The following ROBO1 variants were observed in gnomAD, a reference collection of about 807,000 sequenced individuals.
ROBO1 encodes roundabout homolog 1.
In ROBO1, 149 loss-of-function variants were observed where a neutral mutation model predicts 195.9. The observed-to-expected ratio is 0.76, with a 90% confidence interval of 0.67 to 0.87. The LOEUF (loss-of-function observed/expected upper bound fraction) is 0.87, where lower values mean the gene tolerates loss of function less well. ROBO1 is among the 40% of genes least tolerant of loss of function. ROBO1 has a pLI of 0.00. For synonymous variants in ROBO1, 816 were observed against 733.2 expected, an observed-to-expected ratio of 1.11 and a Z score of -1.82; for missense variants, 1,933 against 2,068.3, an observed-to-expected ratio of 0.93 and a Z score of 1.27.
At chr3:78,617,589 A>G (rs2107391924) in intron 27 of ROBO1, 46 bp downstream of exon 27, 1 of 1,545,568 alleles carries the variant, frequency 6.5e-7, no homozygotes, top group Non-Finnish European at 8.8e-7. Flanking sequence ...AAACATATAT[A>G]CATTGAGTTT....
At chr3:79,042,577 A>G (rs905322058) in intron 3 of ROBO1, among the ~76,000 whole-genome samples, 2 of 152,178 alleles carry the variant, frequency 1.3e-5, no homozygotes, top group Non-Finnish European at 2.9e-5. Context: ...TGATGTTCTG[A>G]ATCTAACAGA....
intron 4 of ROBO1, among the ~76,000 whole-genome samples, chr3:78,924,768 A>G (rs1284545253): frequency 6.6e-6 from 1 of 152,162 alleles, no homozygotes; most frequent in African/African-American, 2.4e-5. Context: ...TGCAATGGCA[A>G]AGGCTGTGAC....
intron 3 of ROBO1, among the ~76,000 whole-genome samples, chr3:79,123,764 G>A (rs575218549): frequency 3.2e-4 from 48 of 152,082 alleles, no homozygotes; most frequent in African/African-American, 9.6e-4. Context: ...AATTTTATAA[G>A]TTTATTTCCT....
intron 15 of ROBO1, 106 bp downstream of exon 15, chr3:78,661,886 AG>A (rs1707425362): frequency 7.8e-7 from 1 of 1,274,498 alleles, no homozygotes; most frequent in Non-Finnish European, 1.1e-6. Context: ...TACACTATAA[AG>A]TTATCATTAA....
intron 2 of ROBO1, among the ~76,000 whole-genome samples, chr3:79,564,725 C>T (rs1238782416): frequency 6.6e-6 from 1 of 151,932 alleles, no homozygotes; most frequent in Non-Finnish European, 1.5e-5. Flanking sequence ...ATCTGTACAA[C>T]TAAAAATATA....
intron 3 of ROBO1, among the ~76,000 whole-genome samples, chr3:79,071,905 G>A (rs973129718): frequency 6.6e-6 from 1 of 151,638 alleles, no homozygotes; most frequent in Non-Finnish European, 1.5e-5. Context: ...GTAGAAAATT[G>A]AGAGCTACCT....
At chr3:79,129,031 T>C (rs1232404407) in intron 2 of ROBO1, among the ~76,000 whole-genome samples, 1 of 152,140 alleles carries the variant, frequency 6.6e-6, no homozygotes, top group Non-Finnish European at 1.5e-5. Flanking sequence ...TTTCATAACA[T>C]ATGCAACTTG....
intron 2 of ROBO1, among the ~76,000 whole-genome samples, chr3:79,491,443 G>C (rs1175019965): frequency 6.6e-6 from 1 of 152,098 alleles, no homozygotes; most frequent in Non-Finnish European, 1.5e-5. Context: ...CTAACAAATG[G>C]GGGAGCAGAA....
intron 2 of ROBO1, among the ~76,000 whole-genome samples, chr3:79,389,516 A>G: frequency 6.6e-6 from 1 of 152,162 alleles, no homozygotes; most frequent in East Asian, 1.9e-4. Context: ...AATCAACAAG[A>G]AAACACAAAA....
chr3:79,542,241 A>G (rs9879277), intron 2 of ROBO1, among the ~76,000 whole-genome samples: 86,846 of 151,786 alleles, frequency 0.57, 24,974 homozygotes, highest in Non-Finnish European at 0.6. Flanking sequence ...GCTTCAGTGT[A>G]TGAATCTGTA....
intron 2 of ROBO1, among the ~76,000 whole-genome samples, chr3:79,304,222 AAAT>A (rs1270051681): frequency 6.6e-6 from 1 of 152,244 alleles, no homozygotes; most frequent in Non-Finnish European, 1.5e-5. Context: ...GAGTATTATC[AAAT>A]GAGTAACTAA....
At chr3:79,684,891 G>A (rs953891863) in intron 1 of ROBO1, among the ~76,000 whole-genome samples, 3 of 151,848 alleles carry the variant, frequency 2.0e-5, no homozygotes, top group African/African-American at 7.3e-5. Context: ...GCCCGGGCCG[G>A]TTGCACACTC....
chr3:78,749,254 TA>T (rs757116006), intron 4 of ROBO1, among the ~76,000 whole-genome samples: 1 of 152,120 alleles, frequency 6.6e-6, no homozygotes, highest in Non-Finnish European at 1.5e-5. Flanking sequence ...GTGGCAACCT[TA>T]AAACCAATTT....
chr3:78,897,449 T>C (rs977505871), intron 4 of ROBO1, among the ~76,000 whole-genome samples: 5 of 152,162 alleles, frequency 3.3e-5, no homozygotes, highest in Non-Finnish European at 7.4e-5. Flanking sequence ...TCCCAAGTAG[T>C]TAGCATCTTT....
chr3:79,714,106 A>C (rs908196342), intron 1 of ROBO1, among the ~76,000 whole-genome samples: 1 of 151,818 alleles, frequency 6.6e-6, no homozygotes, highest in African/African-American at 2.4e-5. Flanking sequence ...CATCTGACAA[A>C]GGGCTAATAT....
intron 1 of ROBO1, among the ~76,000 whole-genome samples, chr3:79,611,257 T>A (rs909430369): frequency 6.6e-6 from 1 of 152,072 alleles, no homozygotes; most frequent in African/African-American, 2.4e-5. Flanking sequence ...GATAATATCA[T>A]TTGAATATGT....
intron 2 of ROBO1, among the ~76,000 whole-genome samples, chr3:79,292,755 A>C (rs1425461785): frequency 1.3e-5 from 2 of 152,086 alleles, no homozygotes; most frequent in African/African-American, 4.8e-5. Context: ...AAGCTTGTTG[A>C]TGTGCTGCTG....
intron 1 of ROBO1, among the ~76,000 whole-genome samples, chr3:79,676,333 T>G (rs1300453789): frequency 6.6e-6 from 1 of 152,026 alleles, no homozygotes. Context: ...ATTTAGCAGA[T>G]TAAAGCAAAC....
At chr3:78,884,831 G>T (rs555986642) in intron 4 of ROBO1, among the ~76,000 whole-genome samples, 1 of 149,562 alleles carries the variant, frequency 6.7e-6, no homozygotes, top group East Asian at 2.0e-4. Flanking sequence ...TAAGGAAAAA[G>T]AAGAAATAGA....
Sources: gnomAD v4.1 joint callset for allele counts (sites outside exome capture counted in the v4.1 genomes callset) on GRCh38, gnomAD v4.1.1 for gene constraint, MANE v1.5 for transcripts, NCBI Gene and HGNC (gene_info 2026-07-23, HGNC 2026-07-21) for gene names.